The following TSHZ2 variants were observed in gnomAD, a reference collection of about 807,000 sequenced individuals.
TSHZ2 encodes the protein teashirt homolog 2.
In TSHZ2, 21 loss-of-function variants were observed where a neutral mutation model predicts 74.4. The ratio of observed to expected loss-of-function variants is 0.28; its 90% CI spans 0.20 to 0.41. The LOEUF (loss-of-function observed/expected upper bound fraction) is 0.41, where lower values mean the gene tolerates loss of function less well. Among genes scored for constraint, TSHZ2 ranks in the 10% least tolerant of loss-of-function variants. The pLI, the probability that TSHZ2 is intolerant of heterozygous loss-of-function variation, is 1.00. For synonymous variants in TSHZ2, 540 were observed against 515.3 expected (o/e 1.05, Z -0.65); for missense variants, 1,244 against 1,293.5 (o/e 0.96, Z 0.59).
At position 53,074,216 on chromosome 20, in the gene TSHZ2, C is replaced by A. The variant is rs1273089596; in HGVS notation, c.40+100883C>A. Among the ~76,000 whole-genome samples, 1 of 152,196 alleles carries A rather than the reference C, an allele frequency of 6.6e-6. No homozygotes were observed. Among genetic ancestry groups the A allele is most frequent in the African/African-American group, 2.4e-5 (1 of 41,454 alleles). On this transcript the variant is annotated intron_variant, in intron 1 of 2. Coordinates refer to ENST00000371497, the MANE Select transcript of TSHZ2 (RefSeq NM_173485.6). The surrounding 1 kb of genome is among the most constrained non-coding windows in gnomAD (Gnocchi z 5.9). ...CACTCCCTTGTGAAGTTAGAGGATT[C>A]TTCCTTTGAGTAAGAAGTTAAATGT...
chr20:53,062,708 G>T (rs1236057662), intron 1 of TSHZ2, among the ~76,000 whole-genome samples: 1 of 152,150 alleles, frequency 6.6e-6, no homozygotes, highest in African/African-American at 2.4e-5. Context: ...CAGCAATAAG[G>T]CTGGTTCACT....
chr20:53,062,661 T>G (rs1648716271), intron 1 of TSHZ2, among the ~76,000 whole-genome samples: 1 of 152,234 alleles, frequency 6.6e-6, no homozygotes, highest in Admixed American at 6.5e-5. Context: ...GTGGCTGGTT[T>G]GATCTTCTAT....
At chr20:53,483,519 C>T (rs996086617) in intron 2 of TSHZ2, among the ~76,000 whole-genome samples, 4 of 152,046 alleles carry the variant, frequency 2.6e-5, no homozygotes, top group South Asian at 4.1e-4. Context: ...CCCCACCTCC[C>T]CCATCCCCAA....
chr20:53,130,969 ATATAT>A lies in TSHZ2; in HGVS notation c.41-122526_41-122522del, dbSNP rs552575121. Among the ~76,000 whole-genome samples the A allele has an allele frequency of 4.6e-5, 7 of 152,342 alleles. No individual in the cohort carries two copies. The East Asian group carries it at 1.3e-3, about 29-fold the overall frequency. On this transcript the variant is annotated intron_variant, in intron 1 of 2. Coordinates refer to ENST00000371497, the MANE Select transcript of TSHZ2 (RefSeq NM_173485.6). ...TGCTATTTCTTTTACAGAATCAGAAATATATTATTAAGCCTCTGACACGTGGATGA... is the reference window on the plus strand; with the variant it reads ...TGCTATTTCTTTTACAGAATCAGAAATATTAAGCCTCTGACACGTGGATGA...
In TSHZ2 at chr20:53,081,134, G is replaced by C. The variant is rs539506318; in HGVS notation, c.40+107801G>C. 2.0e-4 allele frequency among the ~76,000 whole-genome samples: 30 copies of C among 152,250 alleles called. 1 individual carries two copies. The South Asian group carries it at 5.2e-3, about 26-fold the overall frequency. ...GGGCTCAAGCAGTCCTCCTGCCTCA[G>C]CCTCCCAAGTATCTGGGACTACAGG... On this transcript the variant is annotated intron_variant, in intron 1 of 2. Coordinates refer to ENST00000371497, the MANE Select transcript of TSHZ2 (RefSeq NM_173485.6).
intron 2 of TSHZ2, among the ~76,000 whole-genome samples, chr20:53,257,703 G>A (rs184886703): frequency 6.2e-4 from 94 of 152,214 alleles, no homozygotes; most frequent in Non-Finnish European, 1.2e-3. Flanking sequence ...CTCCACCTTC[G>A]GCCATTCCCC....
intron 2 of TSHZ2, among the ~76,000 whole-genome samples, chr20:53,340,569 G>C (rs1266041383): frequency 1.3e-5 from 2 of 152,254 alleles, no homozygotes; most frequent in African/African-American, 4.8e-5. Context: ...TTCTACACAG[G>C]TTATTTCCAA....
At chr20:53,061,328 T>C (rs1568741277) in intron 1 of TSHZ2, among the ~76,000 whole-genome samples, 2 of 152,280 alleles carry the variant, frequency 1.3e-5, no homozygotes, top group South Asian at 2.1e-4. Context: ...AGAGAGTCCA[T>C]TGTAGGGGCT....
intron 1 of TSHZ2, among the ~76,000 whole-genome samples, chr20:53,068,032 G>A (rs77229898): frequency 1.4e-4 from 22 of 152,206 alleles, no homozygotes; most frequent in African/African-American, 4.8e-4. Context: ...CTGTGCGTCC[G>A]TGTTGTCAGG....
intron 2 of TSHZ2, among the ~76,000 whole-genome samples, chr20:53,348,733 C>G (rs962483111): frequency 1.3e-5 from 2 of 152,170 alleles, no homozygotes; most frequent in Admixed American, 1.3e-4. Flanking sequence ...GTTTCAATGT[C>G]AAGCTCTACT....
intron 1 of TSHZ2, among the ~76,000 whole-genome samples, chr20:53,128,571 G>T (rs17416935): frequency 0.2 from 29,962 of 151,976 alleles, 3,460 homozygotes; most frequent in Non-Finnish European, 0.26. Context: ...TGATTATTTG[G>T]GGTATCAATT....
At chr20:53,257,863 T>A (rs887361536) in intron 2 of TSHZ2, among the ~76,000 whole-genome samples, 6 of 152,158 alleles carry the variant, frequency 3.9e-5, no homozygotes, top group African/African-American at 1.4e-4. Flanking sequence ...CCACACCCTA[T>A]TGTCAGAGCA....
chr20:53,277,208 C>T (rs961366683), intron 2 of TSHZ2, among the ~76,000 whole-genome samples: 1 of 152,132 alleles, frequency 6.6e-6, no homozygotes, highest in Admixed American at 6.6e-5. Context: ...TAGCTTAATA[C>T]CTTCCTTAAT....
rs1200474060 is a variant in TSHZ2, at chr20:53,138,135, C to T, written c.41-115364C>T. Reference sequence around the variant, plus strand: ...CAGTGGCTCATGCCTGTAATCCCAGCACTTTGGGAGGCCAAGGCGGGCAGA... The same window carrying T: ...CAGTGGCTCATGCCTGTAATCCCAGTACTTTGGGAGGCCAAGGCGGGCAGA... On this transcript the variant is annotated intron_variant, in intron 1 of 2. Transcript: ENST00000371497. 5.9e-5 allele frequency among the ~76,000 whole-genome samples: 9 copies of T among 152,268 alleles called. No homozygotes were observed. In the South Asian group the frequency reaches 1.2e-3, roughly 21 times the overall value.
At chr20:53,313,877 C>A (rs188196592) in intron 2 of TSHZ2, among the ~76,000 whole-genome samples, 1 of 152,158 alleles carries the variant, frequency 6.6e-6, no homozygotes, top group Non-Finnish European at 1.5e-5. Flanking sequence ...ACATAGAGAT[C>A]GTGGGTCCCA....
intron 2 of TSHZ2, among the ~76,000 whole-genome samples, chr20:53,461,913 A>C (rs1212310385): frequency 1.3e-5 from 2 of 151,832 alleles, no homozygotes; most frequent in Middle Eastern, 3.4e-3. Context: ...ACACATTGGT[A>C]AACCTATTCA....
chr20:53,189,004 C>G (rs1600731392), intron 1 of TSHZ2, among the ~76,000 whole-genome samples: 1 of 152,322 alleles, frequency 6.6e-6, no homozygotes, highest in Non-Finnish European at 1.5e-5. Context: ...CTCAAAAGCA[C>G]ACAGCTTAGA....
At chr20:53,469,494 A>T (rs1985687998) in intron 2 of TSHZ2, among the ~76,000 whole-genome samples, 1 of 151,816 alleles carries the variant, frequency 6.6e-6, no homozygotes, top group Admixed American at 6.6e-5. Flanking sequence ...CAGTGAGCCG[A>T]GATCACGCCA....
chr20:53,162,808 CT>C (rs1448160881), intron 1 of TSHZ2, among the ~76,000 whole-genome samples: 4 of 152,054 alleles, frequency 2.6e-5, no homozygotes, highest in Non-Finnish European at 5.9e-5. Context: ...TGATTGTTTT[CT>C]TTACAAAGCG....
Sources: gnomAD v4.1 joint callset for allele counts (sites outside exome capture counted in the v4.1 genomes callset) on GRCh38, gnomAD v4.1.1 for gene constraint, Gnocchi (gnomAD v3.1) non-coding constraint, MANE v1.5 for transcripts, NCBI Gene and HGNC (gene_info 2026-07-23, HGNC 2026-07-21) for gene names.